CACNA1A: variants seen among roughly 807,000 people sequenced by gnomAD.
CACNA1A encodes calcium voltage-gated channel subunit alpha1 A, also known as voltage-dependent P/Q-type calcium channel subunit alpha-1A.
Under a neutral mutation model 262.4 loss-of-function variants are expected in CACNA1A, and 57 were observed. The ratio of observed to expected loss-of-function variants is 0.22; its 90% confidence interval spans 0.18 to 0.27. The LOEUF (loss-of-function observed/expected upper bound fraction) is 0.27. CACNA1A is among the 10% of genes least tolerant of loss of function. The probability of loss-of-function intolerance (pLI) is 1.00; values close to 1 mark genes in which losing one functional copy is unlikely to be tolerated. For missense variants in CACNA1A, 2,526 were observed against 3,562.8 expected, an observed-to-expected ratio of 0.71 and a Z score of 7.41; for synonymous variants, 1,431 against 1,419.3, an observed-to-expected ratio of 1.01 and a Z score of -0.18.
chr19:13,262,888 TG>T (rs2056770267), intron 24 of CACNA1A, 55 bp from the exon 25 acceptor site: 1 of 1,261,458 alleles, frequency 7.9e-7, no homozygotes. Context: ...GAGGTCAGGT[TG>T]GGTAGGGGGC....
chr19:13,264,744 G>C (rs2056822408), intron 24 of CACNA1A, among the ~76,000 whole-genome samples: 1 of 152,112 alleles, frequency 6.6e-6, no homozygotes, highest in Non-Finnish European at 1.5e-5. Context: ...GCCTACCTCT[G>C]GCTCCTGCCA....
chr19:13,294,510 T>TTTTTTTGG (rs2057620485), intron 19 of CACNA1A, among the ~76,000 whole-genome samples: 2 of 140,124 alleles, frequency 1.4e-5, no homozygotes, highest in Non-Finnish European at 3.1e-5. Context: ...TTTTTTTTTT[T>TTTTTTTGG]GAGACAGAGT....
At chr19:13,360,265 G>GTGTATATATATATATATATATA (rs941666561) in intron 5 of CACNA1A, among the ~76,000 whole-genome samples, 89 of 124,190 alleles carry the variant, frequency 7.2e-4, no homozygotes, top group South Asian at 2.8e-3. Flanking sequence ...GTGTGTGTGT[G>GTGTATATATATATATATATATA]TATATATATA....
chr19:13,473,756 C>A (rs941731717), intron 1 of CACNA1A, among the ~76,000 whole-genome samples: 21 of 20,494 alleles, frequency 1.0e-3, no homozygotes, highest in South Asian at 5.2e-3. Context: ...CTCCCCCCCA[C>A]CCCCCTGCCT....
intron 35 of CACNA1A, 99 bp from the exon 36 acceptor site, chr19:13,230,308 C>G: frequency 7.5e-7 from 1 of 1,338,684 alleles, no homozygotes; most frequent in South Asian, 1.3e-5. Context: ...ACAGACAGAC[C>G]CAAAGACATG....
At chr19:13,481,017 C>T (rs553784327) in intron 1 of CACNA1A, among the ~76,000 whole-genome samples, 32 of 152,262 alleles carry the variant, frequency 2.1e-4, no homozygotes, top group African/African-American at 7.7e-4. Context: ...GGGTGCAAGA[C>T]CTCAGATAGT....
intron 1 of CACNA1A, among the ~76,000 whole-genome samples, chr19:13,464,341 T>C (rs116654215): frequency 0.065 from 9,900 of 152,120 alleles, 466 homozygotes; most frequent in East Asian, 0.27. Context: ...TGAGGCTGCA[T>C]TGAGCTATGA....
chr19:13,462,059 C>T (rs2061133757), intron 1 of CACNA1A, among the ~76,000 whole-genome samples: 1 of 152,176 alleles, frequency 6.6e-6, no homozygotes, highest in African/African-American at 2.4e-5. Context: ...GAGAACAGGA[C>T]CTTGCTCTTC....
At chr19:13,370,456 TCTCA>T (rs998199719) in intron 4 of CACNA1A, among the ~76,000 whole-genome samples, 3 of 151,890 alleles carry the variant, frequency 2.0e-5, no homozygotes, top group Non-Finnish European at 4.4e-5. Flanking sequence ...TGAGACAAGG[TCTCA>T]CTCTGTTGTC....
At chr19:13,488,602 G>A (rs1980345794) in intron 1 of CACNA1A, among the ~76,000 whole-genome samples, 1 of 151,764 alleles carries the variant, frequency 6.6e-6, no homozygotes, top group South Asian at 2.1e-4. Context: ...GTTTCACCAT[G>A]TTGGCCAGGC....
intron 3 of CACNA1A, among the ~76,000 whole-genome samples, chr19:13,449,293 A>C (rs923613258): frequency 1.5e-4 from 23 of 151,718 alleles, no homozygotes; most frequent in South Asian, 4.2e-4. Context: ...AAAAAACAAA[A>C]AACAACAACA....
chr19:13,261,382 C>T, intron 26 of CACNA1A, 68 bp downstream of exon 26: 5 of 1,402,518 alleles, frequency 3.6e-6, no homozygotes, highest in Non-Finnish European at 3.9e-6. Flanking sequence ...GTGGCCAATG[C>T]CTCTAGCCAC....
chr19:13,445,289 G>T (rs1218837446), intron 3 of CACNA1A, among the ~76,000 whole-genome samples: 2 of 152,144 alleles, frequency 1.3e-5, no homozygotes, highest in African/African-American at 4.8e-5. Context: ...CTTCTAAAAA[G>T]GAACCTTCCG....
At chr19:13,415,219 C>T (rs1310298274) in intron 3 of CACNA1A, among the ~76,000 whole-genome samples, 1 of 151,612 alleles carries the variant, frequency 6.6e-6, no homozygotes. Flanking sequence ...AGAGAGAAGG[C>T]GGGTGTGTGT....
rs148075756 is a variant in CACNA1A at position 13,434,924 on chromosome 19, G to A, written c.539+17952C>T. Among the ~76,000 whole-genome samples the A allele has an allele frequency of 1.1e-4, 17 of 151,632 alleles. No homozygotes were observed. In the East Asian group the frequency reaches 2.1e-3, roughly 19 times the overall value. On this transcript the variant is annotated intron_variant, in intron 3 of 46. Transcript: ENST00000360228. Reference sequence around the variant, plus strand: ...CCCACCTCACCCTCCTGAGTAGCTGGGACCACAGGCGCGTGCCACCACACC... The same window carrying A: ...CCCACCTCACCCTCCTGAGTAGCTGAGACCACAGGCGCGTGCCACCACACC...
intron 3 of CACNA1A, among the ~76,000 whole-genome samples, chr19:13,420,643 A>C (rs963515873): frequency 2.0e-5 from 3 of 152,154 alleles, no homozygotes; most frequent in African/African-American, 7.2e-5. Flanking sequence ...CTCTGCTGAC[A>C]CCTTGATTTT....
At chr19:13,502,982 C>G (rs1437430036) in intron 1 of CACNA1A, among the ~76,000 whole-genome samples, 1 of 152,126 alleles carries the variant, frequency 6.6e-6, no homozygotes. Flanking sequence ...TAGTCAACAC[C>G]ATTTCCAAAT....
chr19:13,273,731 T>C (rs1352767905), intron 24 of CACNA1A: 4 of 152,138 alleles, frequency 2.6e-5, no homozygotes, highest in Admixed American at 1.3e-4. Flanking sequence ...AGCAAATTCA[T>C]TGATTTTTAA....
In CACNA1A at chr19:13,212,239, A is replaced by G; in HGVS notation, c.6190-23T>C. Reference sequence around the variant, plus strand: ...GGACTGCGGAGCAGATGGCAAAGCCAGATGAGCTCTGGGGCCTGACCTCCA... The same window carrying G: ...GGACTGCGGAGCAGATGGCAAAGCCGGATGAGCTCTGGGGCCTGACCTCCA... On this transcript the variant is annotated intron_variant, in intron 42 of 46. Transcript: ENST00000360228. This position sits in a 1 kb window ranked among gnomAD's most constrained non-coding sequence, Gnocchi z 5.6. 1 of 1,607,880 alleles carries G rather than the reference A, an allele frequency of 6.2e-7. No individual in the cohort carries two copies. Among genetic ancestry groups the G allele is most frequent in the Non-Finnish European group, 8.5e-7 (1 of 1,174,734 alleles).
Sources: gnomAD v4.1 joint callset for allele counts (sites outside exome capture counted in the v4.1 genomes callset) on GRCh38, gnomAD v4.1.1 for gene constraint, Gnocchi (gnomAD v3.1) non-coding constraint, MANE v1.5 for transcripts, NCBI Gene and HGNC (gene_info 2026-07-23, HGNC 2026-07-21) for gene names.